CLVS1: variants seen among roughly 807,000 people sequenced by gnomAD.
CLVS1 encodes the protein clavesin 1.
CLVS1 carries 10 observed loss-of-function variants against 33.1 expected under a neutral mutation model. The ratio of observed to expected loss-of-function variants is 0.30; its 90% confidence interval spans 0.19 to 0.51. CLVS1 has a LOEUF of 0.51. Among genes scored for constraint, CLVS1 ranks in the 20% least tolerant of loss-of-function variants. The probability of loss-of-function intolerance (pLI) is 0.97; values close to 1 mark genes in which losing one functional copy is unlikely to be tolerated. For synonymous variants in CLVS1, 163 were observed against 166.1 expected, an observed-to-expected ratio of 0.98 and a Z score of 0.14; for missense variants, 343 against 433.4, an observed-to-expected ratio of 0.79 and a Z score of 1.85.
intron 2 of CLVS1, among the ~76,000 whole-genome samples, chr8:61,362,444 T>A (rs1301641874): frequency 6.6e-6 from 1 of 152,206 alleles, no homozygotes; most frequent in Non-Finnish European, 1.5e-5. Flanking sequence ...ACTGTACACA[T>A]AACTGTTCAT....
intron 2 of CLVS1, among the ~76,000 whole-genome samples, chr8:61,233,812 A>G (rs1255139092): frequency 2.6e-5 from 4 of 152,236 alleles, no homozygotes; most frequent in African/African-American, 2.4e-5. Context: ...CACACACTCC[A>G]TTCTCTGCCT....
chr8:61,227,282 A>C (rs993862183), intron 2 of CLVS1, among the ~76,000 whole-genome samples: 1 of 146,022 alleles, frequency 6.8e-6, no homozygotes, highest in Non-Finnish European at 1.5e-5. Flanking sequence ...TTCAAGGATT[A>C]GGCGAGAAAT....
intron 2 of CLVS1, among the ~76,000 whole-genome samples, chr8:61,193,375 C>T (rs73684413): frequency 0.09 from 13,632 of 151,584 alleles, 1,145 homozygotes; most frequent in African/African-American, 0.23. Context: ...TGTCGTAGGG[C>T]GGGGAGAGGG....
the CLVS1 span, among the ~76,000 whole-genome samples, chr8:60,997,176 G>A: frequency 6.6e-6 from 1 of 152,158 alleles, no homozygotes; most frequent in Non-Finnish European, 1.5e-5. Context: ...AGGTGTGTGT[G>A]GCGGGGGATG....
intron 2 of CLVS1, among the ~76,000 whole-genome samples, chr8:61,159,431 G>T (rs908209511): frequency 1.3e-5 from 2 of 152,210 alleles, no homozygotes; most frequent in African/African-American, 4.8e-5. Flanking sequence ...ATGCTGAAGT[G>T]GATTGTACCA....
At chr8:61,329,638 G>A (rs1253708916) in intron 2 of CLVS1, among the ~76,000 whole-genome samples, 1 of 152,108 alleles carries the variant, frequency 6.6e-6, no homozygotes, top group Non-Finnish European at 1.5e-5. Flanking sequence ...CATCTATTAT[G>A]TATCAATAAA....
intron 2 of CLVS1, among the ~76,000 whole-genome samples, chr8:61,222,559 G>A (rs1401570302): frequency 1.3e-5 from 2 of 152,124 alleles, no homozygotes; most frequent in Non-Finnish European, 2.9e-5. Flanking sequence ...TATGATTTCA[G>A]TTCTTTTGCA....
At chr8:61,132,450 TCTA>T (rs1413541943) in intron 2 of CLVS1, among the ~76,000 whole-genome samples, 2 of 152,194 alleles carry the variant, frequency 1.3e-5, no homozygotes, top group African/African-American at 4.8e-5. Context: ...GGCAGGAGGT[TCTA>T]CTGTGGCTGA....
chr8:61,015,272 T>C, the CLVS1 span, among the ~76,000 whole-genome samples: 1 of 152,232 alleles, frequency 6.6e-6, no homozygotes, highest in East Asian at 1.9e-4. Context: ...CCCCACTTTA[T>C]AGTTGAGGCA....
intron 1 of CLVS1, among the ~76,000 whole-genome samples, chr8:61,096,654 A>G (rs1805356366): frequency 6.6e-6 from 1 of 152,072 alleles, no homozygotes; most frequent in South Asian, 2.1e-4. Flanking sequence ...CCCCTCTTAT[A>G]CCAGAACATG....
At chr8:61,485,071 A>G (rs1803822874) in intron 5 of CLVS1, among the ~76,000 whole-genome samples, 1 of 152,320 alleles carries the variant, frequency 6.6e-6, no homozygotes, top group Admixed American at 6.5e-5. Context: ...AAGCAATGGC[A>G]ACAAAAGCCA....
At chr8:61,070,047 C>T (rs1003708177) in intron 1 of CLVS1, among the ~76,000 whole-genome samples, 5 of 152,174 alleles carry the variant, frequency 3.3e-5, no homozygotes, top group African/African-American at 1.2e-4. Flanking sequence ...CCCGCCTCGG[C>T]CTCCAAAAGT....
chr8:61,286,772 T>C (rs776387995), upstream of CLVS1, among the ~76,000 whole-genome samples: 8 of 152,208 alleles, frequency 5.3e-5, no homozygotes, highest in Admixed American at 1.3e-4. Context: ...TTTTAGTAAA[T>C]GTGAAAACTT....
intron 2 of CLVS1, among the ~76,000 whole-genome samples, chr8:61,225,361 T>G (rs1275157627): frequency 6.6e-6 from 1 of 152,222 alleles, no homozygotes; most frequent in East Asian, 1.9e-4. Flanking sequence ...ATGTAAAAGT[T>G]TCTTTATGCA....
intron 2 of CLVS1, among the ~76,000 whole-genome samples, chr8:61,349,682 T>G (rs1812367524): frequency 6.6e-6 from 1 of 152,156 alleles, no homozygotes; most frequent in Non-Finnish European, 1.5e-5. Flanking sequence ...TAAGAAACAA[T>G]CTGAATTACT....
the CLVS1 span, among the ~76,000 whole-genome samples, chr8:61,042,309 C>T: frequency 6.6e-6 from 1 of 152,168 alleles, no homozygotes; most frequent in Non-Finnish European, 1.5e-5. Context: ...AATATGTTAG[C>T]CCCTGAGAAT....
chr8:61,492,105 C>A (rs932446517), intron 5 of CLVS1, among the ~76,000 whole-genome samples: 4 of 152,108 alleles, frequency 2.6e-5, no homozygotes, highest in African/African-American at 9.7e-5. Context: ...GTAAGGATTA[C>A]TAGATTATTC....
intron 2 of CLVS1, among the ~76,000 whole-genome samples, chr8:61,188,346 A>G (rs1435377779): frequency 1.3e-5 from 2 of 152,162 alleles, no homozygotes; most frequent in Non-Finnish European, 2.9e-5. Context: ...TAGACCACAG[A>G]GTATTCATAC....
intron 1 of CLVS1, among the ~76,000 whole-genome samples, chr8:61,067,986 A>T (rs1804712745): frequency 8.6e-6 from 1 of 116,108 alleles, no homozygotes; most frequent in Non-Finnish European, 1.6e-5. Flanking sequence ...GAAACTTGAT[A>T]TTGAGAGAGA....
Sources: gnomAD v4.1 joint callset for allele counts (sites outside exome capture counted in the v4.1 genomes callset) on GRCh38, gnomAD v4.1.1 for gene constraint, MANE v1.5 for transcripts, NCBI Gene and HGNC (gene_info 2026-07-23, HGNC 2026-07-21) for gene names.